LTBP1: variants seen among roughly 807,000 people sequenced by gnomAD.
The protein encoded by LTBP1 is latent-transforming growth factor beta-binding protein 1.
LTBP1 carries 129 observed loss-of-function variants against 207.6 expected under a neutral mutation model. The observed-to-expected ratio is 0.62, with a 90% confidence interval of 0.54 to 0.72. LTBP1 has a LOEUF of 0.72. Among genes scored for constraint, LTBP1 ranks in the 30% least tolerant of loss-of-function variants. LTBP1 has a pLI of 0.00. For missense variants in LTBP1, 2,281 were observed against 2,217.2 expected, an observed-to-expected ratio of 1.03 and a Z score of -0.58; for synonymous variants, 963 against 833.7, an observed-to-expected ratio of 1.16 and a Z score of -2.67.
intron 2 of LTBP1, among the ~76,000 whole-genome samples, chr2:32,964,226 A>G (rs1265890716): frequency 6.6e-6 from 1 of 152,194 alleles, no homozygotes; most frequent in African/African-American, 2.4e-5. Flanking sequence ...CAGCAATGAT[A>G]CACTTTTTTT....
chr2:33,213,788 C>T (rs1370383670), intron 7 of LTBP1, among the ~76,000 whole-genome samples: 1 of 152,196 alleles, frequency 6.6e-6, no homozygotes, highest in Non-Finnish European at 1.5e-5. Context: ...TATTCTTATA[C>T]TGTGCAGACC....
At chr2:33,050,435 AG>A (rs2076675551) in intron 3 of LTBP1, among the ~76,000 whole-genome samples, 1 of 152,084 alleles carries the variant, frequency 6.6e-6, no homozygotes, top group African/African-American at 2.4e-5. Flanking sequence ...CTCCATGTGG[AG>A]AAATTTCAGA....
At chr2:33,152,178 G>A (rs2083592000) in intron 5 of LTBP1, among the ~76,000 whole-genome samples, 1 of 151,886 alleles carries the variant, frequency 6.6e-6, no homozygotes. Flanking sequence ...ATCTGACAAA[G>A]GACTAATATC....
intron 32 of LTBP1, among the ~76,000 whole-genome samples, chr2:33,390,643 A>G (rs1028695608): frequency 6.6e-6 from 1 of 151,684 alleles, no homozygotes; most frequent in African/African-American, 2.4e-5. Flanking sequence ...ACGTGCCACT[A>G]TGTGCAGCTA....
rs1553316521 is a variant in LTBP1 at position 33,382,111 on chromosome 2, T to TTTTTTTTG, written c.4712-7072_4712-7071insTTTTTTGT. ...TTTTTTTTTTTTTTTTTTTTTTTTT[T>TTTTTTTTG]TGAGACAGAGTCTCGCTCTGTTGCC... On this transcript the variant is annotated intron_variant, in intron 31 of 33. Transcript: ENST00000404816. Among the ~76,000 whole-genome samples the TTTTTTTTG allele has an allele frequency of 3.7e-4, 38 of 103,646 alleles. 9 individuals carry two copies. Among genetic ancestry groups the TTTTTTTTG allele is most frequent in the African/African-American group, 1.8e-3 (38 of 20,676 alleles). 68.0% of individuals were successfully genotyped at this position (103,646 alleles called of 152,430 possible). A position where few individuals can be genotyped will look rare whatever the true frequency, so the allele number is the denominator to read the frequency against.
intron 24 of LTBP1, among the ~76,000 whole-genome samples, chr2:33,316,125 T>C (rs1573796357): frequency 6.6e-6 from 1 of 151,908 alleles, no homozygotes; most frequent in Middle Eastern, 3.4e-3. Context: ...ACTTACAACC[T>C]CTGTATGTTT....
At chr2:33,047,537 A>G (rs965699340) in intron 3 of LTBP1, among the ~76,000 whole-genome samples, 1 of 152,160 alleles carries the variant, frequency 6.6e-6, no homozygotes, top group African/African-American at 2.4e-5. Flanking sequence ...ACCTCCAGTT[A>G]TGTGGTCAGT....
chr2:32,982,711 C>A (rs886215735), intron 2 of LTBP1, among the ~76,000 whole-genome samples: 5 of 152,158 alleles, frequency 3.3e-5, no homozygotes, highest in Admixed American at 3.3e-4. Context: ...CAGCTCGGGC[C>A]GTGGCTTCAG....
At chr2:33,248,735 C>T (rs370689952) in intron 10 of LTBP1, among the ~76,000 whole-genome samples, 39 of 151,974 alleles carry the variant, frequency 2.6e-4, no homozygotes, top group East Asian at 7.7e-4. Context: ...TACAGGCGTG[C>T]GCCACCACAC....
At chr2:33,037,525 G>T (rs919609587) in intron 3 of LTBP1, among the ~76,000 whole-genome samples, 10 of 151,832 alleles carry the variant, frequency 6.6e-5, no homozygotes, top group African/African-American at 2.4e-4. Context: ...TCATATTTTT[G>T]ACCTCTTTCT....
Position 33,006,420 on chromosome 2 carries a change from A to G in LTBP1, c.566-14489A>G, listed in dbSNP as rs58783303. Among the ~76,000 whole-genome samples the G allele has an allele frequency of 4.4e-5, 6 of 136,232 alleles. No homozygotes were observed. The South Asian group carries it at 6.9e-4, about 16-fold the overall frequency. The allele number at this position is 136,232 out of a possible 152,430, so 89.4% of individuals were successfully genotyped here. On this transcript the variant is annotated intron_variant, in intron 2 of 33. Transcript: ENST00000404816. ...TTTTTTTGAGACAGAGTCTTGCTCT[A>G]TCACCCAGGCTGGAGTGCAGTGGCG...
chr2:33,088,431 G>A (rs967267126), intron 3 of LTBP1, among the ~76,000 whole-genome samples: 17 of 151,998 alleles, frequency 1.1e-4, no homozygotes, highest in Admixed American at 2.0e-4. Flanking sequence ...CAGCCTTGGC[G>A]ACAGGGCGAG....
At chr2:33,288,307 A>C (rs531568246) in intron 19 of LTBP1, among the ~76,000 whole-genome samples, 1 of 152,294 alleles carries the variant, frequency 6.6e-6, no homozygotes, top group African/African-American at 2.4e-5. Context: ...TCAGCCACTG[A>C]ATACCCTCTG....
intron 29 of LTBP1, 47 bp from the exon 30 acceptor site, chr2:33,364,169 C>A (rs771035414): frequency 1.6e-5 from 25 of 1,597,098 alleles, no homozygotes; most frequent in Non-Finnish European, 2.1e-5. Flanking sequence ...GTATGAGGTA[C>A]AACTGATGGC....
chr2:33,010,721 CTTTT>C (rs1256189915), intron 2 of LTBP1, among the ~76,000 whole-genome samples: 1 of 134,810 alleles, frequency 7.4e-6, no homozygotes. Context: ...GATTTTAATC[CTTTT>C]TTTTTTTTTT....
chr2:33,226,672 T>A (rs2091455028), intron 9 of LTBP1, among the ~76,000 whole-genome samples: 1 of 152,098 alleles, frequency 6.6e-6, no homozygotes, highest in East Asian at 1.9e-4. Flanking sequence ...AAGTGGGGAG[T>A]TCTTGGAACC....
At chr2:33,268,643 CT>C (rs2148226769) in intron 15 of LTBP1, among the ~76,000 whole-genome samples, 1 of 152,304 alleles carries the variant, frequency 6.6e-6, no homozygotes, top group African/African-American at 2.4e-5. Flanking sequence ...AGCATAGTGT[CT>C]TAATAGCTAA....
At chr2:33,277,452 G>C (rs78220907) in intron 18 of LTBP1, among the ~76,000 whole-genome samples, 1 of 152,122 alleles carries the variant, frequency 6.6e-6, no homozygotes, top group Non-Finnish European at 1.5e-5. Context: ...CACTGACTTT[G>C]CCCCTTTGAA....
At chr2:33,144,262 C>A (rs565560766) in intron 5 of LTBP1, among the ~76,000 whole-genome samples, 1 of 152,162 alleles carries the variant, frequency 6.6e-6, no homozygotes, top group East Asian at 1.9e-4. Context: ...TTTGGTGCTC[C>A]GGTAGGAGCG....
Sources: gnomAD v4.1 joint callset for allele counts (sites outside exome capture counted in the v4.1 genomes callset) on GRCh38, gnomAD v4.1.1 for gene constraint, MANE v1.5 for transcripts, NCBI Gene and HGNC (gene_info 2026-07-23, HGNC 2026-07-21) for gene names.